Variants in FGF18 observed in about 807,000 individuals in gnomAD.
FGF18 encodes the protein fibroblast growth factor 18.
A neutral mutation model predicts 23.0 loss-of-function variants in FGF18; 5 were observed. The ratio of observed to expected loss-of-function variants is 0.22; its 90% CI spans 0.11 to 0.46. The LOEUF (loss-of-function observed/expected upper bound fraction) is 0.46. FGF18 is among the 20% of genes least tolerant of loss of function. FGF18 has a pLI of 0.99. For synonymous variants in FGF18, 117 were observed against 118.9 expected, an observed-to-expected ratio of 0.98 and a Z score of 0.10; for missense variants, 180 against 291.6, an observed-to-expected ratio of 0.62 and a Z score of 2.79.
In FGF18 at chr5:171,456,813, C is replaced by T. The variant is rs368372857; in HGVS notation, c.*8C>T. 48 of 1,600,140 alleles carry T rather than the reference C, an allele frequency of 3.0e-5. 2 individuals are homozygous for T. Among genetic ancestry groups the T allele is most frequent in the East Asian group, 1.8e-4 (8 of 44,600 alleles). On this transcript the variant is annotated 3_prime_UTR_variant, in exon 5 of 5. Coordinates refer to ENST00000274625, the MANE Select transcript of FGF18 (RefSeq NM_003862.3). The surrounding 1 kb of genome is among the most constrained non-coding windows in gnomAD (Gnocchi z 6.1). ...CCCACACACCCTGCCTAGGCCACCC[C>T]GCCGCGGCCCCTCAGGTCGCCCTGG...
In FGF18 at chr5:171,443,541, C is replaced by T. The variant is rs1453570018; in HGVS notation, c.251-5606C>T. 8.9e-5 allele frequency among the ~76,000 whole-genome samples: 5 copies of T among 56,154 alleles called. No individual in the cohort carries two copies. The East Asian group carries it at 1.6e-3, about 18-fold the overall frequency. The allele number at this position is 56,154 out of a possible 152,430, so 36.8% of individuals were successfully genotyped here. A position where few individuals can be genotyped will look rare whatever the true frequency, so the allele number is the denominator to read the frequency against. ...TTTTTTTTTTTTTTTTTAGCAGAGA[C>T]AGGGTTTCACCGTGTTAGCCAGGAT... On this transcript the variant is annotated intron_variant, in intron 3 of 4. Coordinates refer to ENST00000274625, the MANE Select transcript of FGF18 (RefSeq NM_003862.3).
At chr5:171,446,155 C>T (rs770878583) in intron 3 of FGF18, among the ~76,000 whole-genome samples, 8 of 152,234 alleles carry the variant, frequency 5.3e-5, no homozygotes, top group Non-Finnish European at 1.2e-4. Flanking sequence ...ATGCTGCGGT[C>T]GGGGAGAGAA....
chr5:171,450,718 T>TCGGGGC (rs928528790), intron 4 of FGF18, among the ~76,000 whole-genome samples: 6 of 151,560 alleles, frequency 4.0e-5, no homozygotes, highest in South Asian at 2.1e-4. Context: ...GCGAGGGGGG[T>TCGGGGC]CGGGGCCGGG....
At chr5:171,454,015 G>A (rs1327265091) in intron 4 of FGF18, among the ~76,000 whole-genome samples, 3 of 152,138 alleles carry the variant, frequency 2.0e-5, no homozygotes, top group Non-Finnish European at 4.4e-5. Flanking sequence ...GAACTGAGAA[G>A]CAGCCCTGAC....
intron 4 of FGF18, among the ~76,000 whole-genome samples, chr5:171,453,957 G>C (rs1460836481): frequency 6.6e-6 from 1 of 152,076 alleles, no homozygotes; most frequent in Non-Finnish European, 1.5e-5. Context: ...AACCCCAAAT[G>C]CTCGGGGCAC....
chr5:171,432,279 G>T (rs1236004045), intron 2 of FGF18, among the ~76,000 whole-genome samples: 1 of 152,184 alleles, frequency 6.6e-6, no homozygotes, highest in African/African-American at 2.4e-5. Flanking sequence ...CTATGCATGT[G>T]CTCTGGCAGC....
rs145788801 is a variant in FGF18 at position 171,439,187 on chromosome 5, C to T, written c.250+2914C>T. On this transcript the variant is annotated intron_variant, in intron 3 of 4. Coordinates refer to ENST00000274625, the MANE Select transcript of FGF18 (RefSeq NM_003862.3). ...CCTGCCCAGGGCTCTTGGCCTGCTG[C>T]GCAGTAGTGGGTGGTCCCTTAGTGA... 8.3e-3 allele frequency among the ~76,000 whole-genome samples: 1,260 copies of T among 152,272 alleles called. 9 individuals are homozygous for T. The highest frequency in any genetic ancestry group is 0.02 in the Middle Eastern group (6 of 294).
At chr5:171,454,237 C>G (rs1772552258) in intron 4 of FGF18, among the ~76,000 whole-genome samples, 1 of 152,094 alleles carries the variant, frequency 6.6e-6, no homozygotes, top group Admixed American at 6.6e-5. Flanking sequence ...TTGAGCTGAG[C>G]CTGGAGGGAT....
At chr5:171,452,146 T>C (rs1380115305) in intron 4 of FGF18, among the ~76,000 whole-genome samples, 1 of 152,262 alleles carries the variant, frequency 6.6e-6, no homozygotes. Flanking sequence ...CAAGGGAGTC[T>C]AAGCGCCCTG....
chr5:171,420,944 T>C (rs1471240206), intron 2 of FGF18, among the ~76,000 whole-genome samples: 1 of 152,134 alleles, frequency 6.6e-6, no homozygotes, highest in Non-Finnish European at 1.5e-5. Flanking sequence ...CACACACACA[T>C]GCCCGGGACG....
intron 4 of FGF18, among the ~76,000 whole-genome samples, chr5:171,454,981 G>A (rs554294694): frequency 2.4e-4 from 36 of 152,336 alleles, no homozygotes; most frequent in African/African-American, 3.4e-4. Flanking sequence ...AACAGCTGCC[G>A]TTCAGGAATA....
chr5:171,444,337 G>C (rs1269804129), intron 3 of FGF18, among the ~76,000 whole-genome samples: 2 of 152,228 alleles, frequency 1.3e-5, no homozygotes, highest in Admixed American at 1.3e-4. Flanking sequence ...TTGGATCTCA[G>C]CTCCATCACT....
Position 171,432,721 on chromosome 5 carries a change from GTCT to G in FGF18, c.70-3367_70-3365del, listed in dbSNP as rs201621507. Among the ~76,000 whole-genome samples, 229 of 152,324 alleles carry G rather than the reference GTCT, an allele frequency of 1.5e-3. 1 individual carries two copies. Among genetic ancestry groups the G allele is most frequent in the African/African-American group, 4.8e-3 (201 of 41,570 alleles). On this transcript the variant is annotated intron_variant, in intron 2 of 4. Transcript: ENST00000274625. Reference sequence around the variant, plus strand: ...CTGAGCCACTGCGACCAGCCTAGGGGTCTTCTTAGCAGAGTGTCTGGAACAGGG... The same window carrying G: ...CTGAGCCACTGCGACCAGCCTAGGGGTCTTAGCAGAGTGTCTGGAACAGGG...
chr5:171,447,015 A>C (rs1772428391), intron 3 of FGF18, among the ~76,000 whole-genome samples: 1 of 152,120 alleles, frequency 6.6e-6, no homozygotes, highest in Non-Finnish European at 1.5e-5. Context: ...CTTTTGGGAA[A>C]ACAGTTTGGT....
chr5:171,421,267 G>A (rs1772002646), intron 2 of FGF18, among the ~76,000 whole-genome samples: 1 of 152,200 alleles, frequency 6.6e-6, no homozygotes, highest in South Asian at 2.1e-4. Context: ...AGAGAGAAGA[G>A]CGAAAAAGGG....
intron 2 of FGF18, among the ~76,000 whole-genome samples, chr5:171,428,343 C>T (rs952099922): frequency 6.6e-6 from 1 of 152,150 alleles, no homozygotes; most frequent in African/African-American, 2.4e-5. Flanking sequence ...AGCACCTATC[C>T]CAGCCATTGG....
At chr5:171,420,384 G>C (rs749523048) in intron 1 of FGF18, 23 bp from the exon 2 acceptor site, 2 of 1,613,028 alleles carry the variant, frequency 1.2e-6, no homozygotes, top group Admixed American at 1.7e-5. Flanking sequence ...CCCACTGACC[G>C]CTTCTCCATC....
At chr5:171,430,538 C>T (rs1413679567) in intron 2 of FGF18, among the ~76,000 whole-genome samples, 2 of 144,308 alleles carry the variant, frequency 1.4e-5, no homozygotes, top group African/African-American at 5.8e-5. Flanking sequence ...CCTGTAATCC[C>T]AGCACTTTGG....
At chr5:171,444,237 C>T (rs1772387031) in intron 3 of FGF18, among the ~76,000 whole-genome samples, 2 of 152,106 alleles carry the variant, frequency 1.3e-5, no homozygotes, top group African/African-American at 4.8e-5. Context: ...TTCACTCACT[C>T]GCTCCCCAGG....
Sources: gnomAD v4.1 joint callset for allele counts (sites outside exome capture counted in the v4.1 genomes callset) on GRCh38, gnomAD v4.1.1 for gene constraint, Gnocchi (gnomAD v3.1) non-coding constraint, MANE v1.5 for transcripts, NCBI Gene and HGNC (gene_info 2026-07-23, HGNC 2026-07-21) for gene names.